Variants in ARHGAP15 observed in about 807,000 individuals in gnomAD.
The protein encoded by ARHGAP15 is rho GTPase-activating protein 15.
In ARHGAP15, 51 loss-of-function variants were observed where a neutral mutation model predicts 63.7. That is an observed-to-expected ratio of 0.80 (90% CI 0.64 to 1.01). ARHGAP15 has a LOEUF of 1.01. Ranked by LOEUF, ARHGAP15 falls within the 50% of genes least tolerant of loss-of-function variation. The probability of loss-of-function intolerance (pLI) is 0.00; values close to 1 mark genes in which losing one functional copy is unlikely to be tolerated. For synonymous variants in ARHGAP15, 191 were observed against 193.8 expected (o/e 0.99, Z 0.12); for missense variants, 560 against 564.6 (o/e 0.99, Z 0.08).
intron 6 of ARHGAP15, among the ~76,000 whole-genome samples, chr2:143,287,977 C>T (rs376428692): frequency 6.6e-6 from 1 of 152,136 alleles, no homozygotes; most frequent in African/African-American, 2.4e-5. Context: ...GAGGTTGTAT[C>T]GGAGTCATAC....
intron 11 of ARHGAP15, among the ~76,000 whole-genome samples, chr2:143,583,497 A>T (rs113214424): frequency 2.0e-5 from 3 of 151,084 alleles, no homozygotes; most frequent in African/African-American, 7.4e-5. Context: ...GTTACTCATG[A>T]TGGATATTGC....
At chr2:143,361,147 C>A (rs2105335544) in intron 6 of ARHGAP15, among the ~76,000 whole-genome samples, 2 of 150,270 alleles carry the variant, frequency 1.3e-5, no homozygotes, top group African/African-American at 4.9e-5. Context: ...AAGTGAGTAG[C>A]AGAAGTGATC....
At chr2:143,453,135 C>A (rs1044043003) in intron 8 of ARHGAP15, among the ~76,000 whole-genome samples, 3 of 151,802 alleles carry the variant, frequency 2.0e-5, no homozygotes, top group Non-Finnish European at 4.4e-5. Flanking sequence ...ATTATCATCC[C>A]CATTTTATCT....
intron 5 of ARHGAP15, among the ~76,000 whole-genome samples, chr2:143,244,516 A>ATTC (rs1693974116): frequency 6.6e-6 from 1 of 152,218 alleles, no homozygotes; most frequent in Non-Finnish European, 1.5e-5. Flanking sequence ...GAAAAGAATG[A>ATTC]ATGCATACTC....
At chr2:143,388,043 T>A (rs1687374567) in intron 6 of ARHGAP15, among the ~76,000 whole-genome samples, 1 of 152,212 alleles carries the variant, frequency 6.6e-6, no homozygotes, top group Admixed American at 6.5e-5. Flanking sequence ...AAAATGTTAT[T>A]AACTCATATC....
chr2:143,627,907 G>T (rs999227818), intron 12 of ARHGAP15, among the ~76,000 whole-genome samples: 2 of 151,972 alleles, frequency 1.3e-5, no homozygotes, highest in Non-Finnish European at 2.9e-5. Flanking sequence ...GCTGAGGTTT[G>T]AGGTACAAAT....
intron 2 of ARHGAP15, among the ~76,000 whole-genome samples, chr2:143,156,673 G>A (rs1309576442): frequency 6.6e-6 from 1 of 151,936 alleles, no homozygotes; most frequent in African/African-American, 2.4e-5. Flanking sequence ...TGAGAAATAT[G>A]TGATTTTAAT....
At chr2:143,439,269 A>T (rs1157843252) in intron 8 of ARHGAP15, among the ~76,000 whole-genome samples, 1 of 151,568 alleles carries the variant, frequency 6.6e-6, no homozygotes, top group African/African-American at 2.4e-5. Flanking sequence ...CTAAAAATAC[A>T]AAAATTAGCC....
intron 8 of ARHGAP15, among the ~76,000 whole-genome samples, chr2:143,438,541 A>G (rs1348154389): frequency 6.6e-6 from 1 of 152,220 alleles, no homozygotes; most frequent in Non-Finnish European, 1.5e-5. Flanking sequence ...AATTTTCAAC[A>G]ACTGCTAGAC....
At chr2:143,566,577 T>G (rs749702164) in intron 11 of ARHGAP15, among the ~76,000 whole-genome samples, 2 of 152,124 alleles carry the variant, frequency 1.3e-5, no homozygotes, top group Non-Finnish European at 2.9e-5. Flanking sequence ...CTCCCTCCTC[T>G]CTCTCTGACC....
At chr2:143,316,943 GTAGTTA>G (rs1019110914) in intron 6 of ARHGAP15, among the ~76,000 whole-genome samples, 11 of 152,070 alleles carry the variant, frequency 7.2e-5, no homozygotes, top group Non-Finnish European at 1.5e-4. Flanking sequence ...TTGAACTTAC[GTAGTTA>G]TAGTTTATGT....
intron 6 of ARHGAP15, among the ~76,000 whole-genome samples, chr2:143,384,842 A>C (rs763260397): frequency 6.6e-6 from 1 of 152,084 alleles, no homozygotes; most frequent in Non-Finnish European, 1.5e-5. Flanking sequence ...GGGATACCTT[A>C]CCTTACCCCA....
At chr2:143,216,269 A>T in intron 3 of ARHGAP15, 115 bp from the exon 4 acceptor site, 1 of 725,644 alleles carries the variant, frequency 1.4e-6, no homozygotes. Context: ...TTATTAATAA[A>T]GTTCTATGAC....
intron 1 of ARHGAP15, among the ~76,000 whole-genome samples, chr2:143,140,710 T>C (rs1689326014): frequency 6.6e-6 from 1 of 152,162 alleles, no homozygotes; most frequent in Non-Finnish European, 1.5e-5. Context: ...AATTTTCCTT[T>C]GAGGAAACCA....
chr2:143,692,211 G>A (rs896583287), intron 12 of ARHGAP15, among the ~76,000 whole-genome samples: 7 of 152,128 alleles, frequency 4.6e-5, no homozygotes, highest in Non-Finnish European at 8.8e-5. Context: ...GGGGCAGGGG[G>A]GCAGGGAGGG....
At chr2:143,291,219 G>A (rs1287269662) in intron 6 of ARHGAP15, among the ~76,000 whole-genome samples, 1 of 152,056 alleles carries the variant, frequency 6.6e-6, no homozygotes, top group African/African-American at 2.4e-5. Context: ...TGAATTCAAT[G>A]CACTTGCAAA....
intron 13 of ARHGAP15, among the ~76,000 whole-genome samples, chr2:143,712,823 G>A (rs1297132487): frequency 6.7e-6 from 1 of 149,326 alleles, no homozygotes; most frequent in African/African-American, 2.5e-5. Context: ...AAAACCCACA[G>A]GAATAAGTAT....
At chr2:143,306,201 T>G (rs142813324) in intron 6 of ARHGAP15, among the ~76,000 whole-genome samples, 1 of 152,232 alleles carries the variant, frequency 6.6e-6, no homozygotes, top group East Asian at 1.9e-4. Flanking sequence ...AAAAATGCCT[T>G]AATATATTTA....
chr2:143,698,865 T>A (rs1177683135), intron 12 of ARHGAP15, among the ~76,000 whole-genome samples: 1 of 152,140 alleles, frequency 6.6e-6, no homozygotes, highest in Non-Finnish European at 1.5e-5. Context: ...GTACAAAAAG[T>A]TCCTTCCTCC....
Sources: allele counts gnomAD v4.1 joint callset (sites outside exome capture counted in the v4.1 genomes callset), GRCh38; gene constraint gnomAD v4.1.1; transcripts MANE v1.5; gene names NCBI Gene and HGNC (gene_info 2026-07-23, HGNC 2026-07-21).